Variants in GPC5 observed in about 807,000 individuals in gnomAD.
The protein encoded by GPC5 is glypican 5, also known as glypican-5.
GPC5 carries 47 observed loss-of-function variants against 53.9 expected under a neutral mutation model. The observed-to-expected ratio is 0.87, with a 90% CI of 0.69 to 1.11. GPC5 has a LOEUF of 1.11. GPC5 is among the 50% of genes most tolerant of loss of function. GPC5 has a pLI of 0.00. For missense variants in GPC5, 748 were observed against 713.1 expected (o/e 1.05, Z -0.56); for synonymous variants, 286 against 263.3 (o/e 1.09, Z -0.84).
chr13:91,922,888 C>CTAA (rs3029749), intron 6 of GPC5, among the ~76,000 whole-genome samples: 149,455 of 152,238 alleles, frequency 0.98, 73,376 homozygotes, highest in East Asian at 1. Flanking sequence ...AGATCTTACT[C>CTAA]CTAAATGCTC....
intron 7 of GPC5, among the ~76,000 whole-genome samples, chr13:92,614,585 G>T (rs1353097866): frequency 6.6e-6 from 1 of 152,162 alleles, no homozygotes; most frequent in Admixed American, 6.5e-5. Flanking sequence ...TTTGGGCAGA[G>T]AAAACCATCC....
chr13:91,699,563 C>T (rs973312014), intron 3 of GPC5, among the ~76,000 whole-genome samples: 1 of 152,050 alleles, frequency 6.6e-6, no homozygotes, highest in South Asian at 2.1e-4. Context: ...TAGTACATGG[C>T]TCTTCTGAGG....
chr13:92,164,251 A>G (rs1246355940), intron 7 of GPC5, among the ~76,000 whole-genome samples: 1 of 152,076 alleles, frequency 6.6e-6, no homozygotes, highest in African/African-American at 2.4e-5. Flanking sequence ...TCCAGCATTA[A>G]CCCAAATGTT....
intron 5 of GPC5, among the ~76,000 whole-genome samples, chr13:91,806,308 T>C (rs577822486): frequency 6.6e-6 from 1 of 152,076 alleles, no homozygotes; most frequent in Admixed American, 6.6e-5. Flanking sequence ...GTGGTAGGAT[T>C]ACAGGCATGA....
chr13:91,553,929 T>C (rs770377510), intron 2 of GPC5, among the ~76,000 whole-genome samples: 28 of 152,164 alleles, frequency 1.8e-4, no homozygotes, highest in South Asian at 2.1e-4. Context: ...ACCAGTGATG[T>C]TATTTATCGT....
chr13:92,215,756 G>A (rs1463355278), intron 7 of GPC5, among the ~76,000 whole-genome samples: 2 of 152,178 alleles, frequency 1.3e-5, no homozygotes, highest in Non-Finnish European at 2.9e-5. Flanking sequence ...TTACAGCAGA[G>A]TTTTCATTTA....
intron 6 of GPC5, among the ~76,000 whole-genome samples, chr13:92,043,831 T>C (rs1215580562): frequency 6.6e-6 from 1 of 152,218 alleles, no homozygotes; most frequent in East Asian, 1.9e-4. Context: ...CCAAAACTTT[T>C]GAAGAATACA....
At chr13:92,430,382 G>T (rs1264388433) in intron 7 of GPC5, among the ~76,000 whole-genome samples, 1 of 152,132 alleles carries the variant, frequency 6.6e-6, no homozygotes, top group Non-Finnish European at 1.5e-5. Flanking sequence ...ATTCCTTGCA[G>T]TATTGGAGAA....
chr13:92,818,342 T>TA (rs1280902171), intron 7 of GPC5, among the ~76,000 whole-genome samples: 1 of 152,032 alleles, frequency 6.6e-6, no homozygotes, highest in Non-Finnish European at 1.5e-5. Context: ...ACCTTTTAGT[T>TA]ACTTATGTCA....
At chr13:92,790,366 C>T (rs1876418172) in intron 7 of GPC5, among the ~76,000 whole-genome samples, 10 of 152,070 alleles carry the variant, frequency 6.6e-5, no homozygotes, top group Admixed American at 6.6e-4. Flanking sequence ...CAATCAAGTG[C>T]ATCAACTCTT....
At chr13:92,678,804 T>C (rs530206267) in intron 7 of GPC5, among the ~76,000 whole-genome samples, 1 of 152,072 alleles carries the variant, frequency 6.6e-6, no homozygotes, top group Non-Finnish European at 1.5e-5. Context: ...ATCCAGGTAG[T>C]GAGATGTTAT....
At chr13:92,626,271 C>G (rs1885042654) in intron 7 of GPC5, among the ~76,000 whole-genome samples, 1 of 152,036 alleles carries the variant, frequency 6.6e-6, no homozygotes, top group Non-Finnish European at 1.5e-5. Flanking sequence ...GATTCTCATT[C>G]CTCAGGAACC....
At chr13:91,737,280 T>C (rs2036836856) in intron 4 of GPC5, among the ~76,000 whole-genome samples, 1 of 151,454 alleles carries the variant, frequency 6.6e-6, no homozygotes, top group South Asian at 2.1e-4. Context: ...TAGGCTGGTC[T>C]GTTGAGGCCT....
At chr13:92,699,356 T>C (rs890102111) in intron 7 of GPC5, among the ~76,000 whole-genome samples, 3 of 152,208 alleles carry the variant, frequency 2.0e-5, no homozygotes, top group Non-Finnish European at 4.4e-5. Flanking sequence ...CTATCAATTG[T>C]GTTGATCTTT....
chr13:92,835,425 T>C (rs965965290), intron 7 of GPC5, among the ~76,000 whole-genome samples: 2 of 152,024 alleles, frequency 1.3e-5, no homozygotes, highest in African/African-American at 4.8e-5. Context: ...TTTGTAAAAA[T>C]GGAAACATGT....
intron 5 of GPC5, among the ~76,000 whole-genome samples, chr13:91,802,088 A>T (rs2138778896): frequency 6.6e-6 from 1 of 152,334 alleles, no homozygotes; most frequent in South Asian, 2.1e-4. Flanking sequence ...TTATCAAAAG[A>T]CATAGTGTGT....
intron 7 of GPC5, among the ~76,000 whole-genome samples, chr13:92,655,711 G>A (rs1178332516): frequency 6.6e-6 from 1 of 152,118 alleles, no homozygotes; most frequent in Non-Finnish European, 1.5e-5. Flanking sequence ...TTTGGGTTGA[G>A]CAAAATTAGA....
chr13:92,253,913 T>A (rs1018128315), intron 7 of GPC5, among the ~76,000 whole-genome samples: 20 of 152,038 alleles, frequency 1.3e-4, no homozygotes, highest in Non-Finnish European at 2.6e-4. Context: ...TACAAAATGA[T>A]TACTGGAATG....
intron 5 of GPC5, among the ~76,000 whole-genome samples, chr13:91,881,022 C>T (rs1282462640): frequency 6.6e-6 from 1 of 152,104 alleles, no homozygotes; most frequent in African/African-American, 2.4e-5. Flanking sequence ...AACTCCTGAA[C>T]TCAGGTGATC....
Sources: allele counts gnomAD v4.1 joint callset (sites outside exome capture counted in the v4.1 genomes callset), GRCh38; gene constraint gnomAD v4.1.1; transcripts MANE v1.5; gene names NCBI Gene and HGNC (gene_info 2026-07-23, HGNC 2026-07-21).